The following DTHD1 variants were observed in gnomAD, a reference collection of about 807,000 sequenced individuals.
DTHD1 encodes the protein death domain-containing protein 1.
DTHD1 carries 59 observed loss-of-function variants against 74.8 expected under a neutral mutation model. That is an observed-to-expected ratio of 0.79 (90% CI 0.64 to 0.98). The LOEUF (loss-of-function observed/expected upper bound fraction) is 0.98, where lower values mean the gene tolerates loss of function less well. DTHD1 is among the 50% of genes least tolerant of loss of function. DTHD1 has a pLI of 0.00. For synonymous variants in DTHD1, 365 were observed against 371.1 expected (o/e 0.98, Z 0.19); for missense variants, 1,051 against 1,065.4 (o/e 0.99, Z 0.19).
At chr4:36,308,059 A>G in intron 6 of DTHD1, 145 bp from the exon 7 acceptor site, 1 of 856,056 alleles carries the variant, frequency 1.2e-6, no homozygotes, top group Admixed American at 3.1e-5. Context: ...TACAATCATT[A>G]ATGAATCTCA....
At chr4:36,311,206 A>G (rs1003206607) in intron 7 of DTHD1, 1 of 152,172 alleles carries the variant, frequency 6.6e-6, no homozygotes, top group African/African-American at 2.4e-5. Flanking sequence ...GTTGGGGAAG[A>G]GTTCATCTTC....
chr4:36,291,929 T>C lies in DTHD1; in HGVS notation c.1218+1226T>C, dbSNP rs575014758. On this transcript the variant is annotated intron_variant, in intron 3 of 9. Coordinates refer to ENST00000639862, the MANE Select transcript of DTHD1 (RefSeq NM_001170700.3). ...CTTCTTTTTAAGCAATTAAAATATTTATCTTTTTCAGCTTTATGTAAGTTG... is the reference window on the plus strand; with the variant it reads ...CTTCTTTTTAAGCAATTAAAATATTCATCTTTTTCAGCTTTATGTAAGTTG... Among the ~76,000 whole-genome samples, 5 of 152,340 alleles carry C rather than the reference T, an allele frequency of 3.3e-5. No homozygotes were observed. In the South Asian group the frequency reaches 1.0e-3, roughly 32 times the overall value.
chr4:36,325,049 T>C (rs1758262886), intron 8 of DTHD1, among the ~76,000 whole-genome samples: 1 of 152,144 alleles, frequency 6.6e-6, no homozygotes, highest in Non-Finnish European at 1.5e-5. Flanking sequence ...GAAAGGATGA[T>C]GAATGCACCT....
chr4:36,342,383 G>T (rs1002547784), intron 9 of DTHD1, among the ~76,000 whole-genome samples: 1 of 152,146 alleles, frequency 6.6e-6, no homozygotes. Context: ...TGGAATGCTT[G>T]CTTAACACCA....
chr4:36,310,402 T>C (rs1757327235), intron 7 of DTHD1, among the ~76,000 whole-genome samples: 1 of 152,166 alleles, frequency 6.6e-6, no homozygotes, highest in South Asian at 2.1e-4. Context: ...TCACAACAAT[T>C]TCTTTTTCAT....
Position 36,339,175 on chromosome 4 carries a change from G to T in DTHD1, c.2398+6G>T. 6.5e-7 allele frequency: 1 copy of T among 1,541,566 alleles called. No homozygotes were observed. Among genetic ancestry groups the T allele is most frequent in the South Asian group, 1.2e-5 (1 of 83,432 alleles). On this transcript the variant is annotated splice_donor_region_variant and intron_variant, in intron 9 of 9. Transcript: ENST00000639862. ...AGTTTCTAAGGATCCTGTAGGTGAG[G>T]AATATTTGCTTTGTCATCATTATAG...
chr4:36,298,114 T>C (rs980691204), intron 5 of DTHD1, among the ~76,000 whole-genome samples: 3 of 152,126 alleles, frequency 2.0e-5, no homozygotes, highest in African/African-American at 7.2e-5. Flanking sequence ...ACTGATATAC[T>C]CTTGCCCATT....
chr4:36,335,790 C>T (rs951144192), intron 8 of DTHD1, among the ~76,000 whole-genome samples: 6 of 152,156 alleles, frequency 3.9e-5, no homozygotes, highest in Non-Finnish European at 8.8e-5. Flanking sequence ...AAAGATCAAA[C>T]TTTCACACAT....
Position 36,287,836 on chromosome 4 carries a change from G to A in DTHD1, c.888-2537G>A, listed in dbSNP as rs180913680. 1.0e-3 allele frequency among the ~76,000 whole-genome samples: 152 copies of A among 152,128 alleles called. 1 individual carries two copies. The highest frequency in any genetic ancestry group is 4.2e-4 in the South Asian group (2 of 4,810). On this transcript the variant is annotated intron_variant, in intron 2 of 9. Transcript: ENST00000639862. Reference sequence around the variant, plus strand: ...AGTTCACTTTTTGATGGGATTGTTTGTTTTTTCTTCTGGATTTGTTTGAGT... The same window carrying A: ...AGTTCACTTTTTGATGGGATTGTTTATTTTTTCTTCTGGATTTGTTTGAGT...
At chr4:36,306,604 T>C (rs1757068334) in intron 6 of DTHD1, among the ~76,000 whole-genome samples, 1 of 152,260 alleles carries the variant, frequency 6.6e-6, no homozygotes, top group South Asian at 2.1e-4. Flanking sequence ...AAAATAGTTT[T>C]AAAATAGCAC....
At chr4:36,320,327 G>A (rs746396159) in intron 8 of DTHD1, among the ~76,000 whole-genome samples, 16 of 152,168 alleles carry the variant, frequency 1.1e-4, no homozygotes, top group Non-Finnish European at 1.9e-4. Context: ...ACACTGTCCA[G>A]CTCAACTCTG....
chr4:36,313,417 G>GAAA (rs34007292), intron 7 of DTHD1, among the ~76,000 whole-genome samples: 25 of 144,324 alleles, frequency 1.7e-4, no homozygotes, highest in Admixed American at 1.4e-3. Context: ...AGTGAGGGAG[G>GAAA]AAAAAAAAAA....
At position 36,290,419 on chromosome 4, in the gene DTHD1, T is replaced by C; in HGVS notation, c.934T>C (p.Tyr312His). The C allele has an allele frequency of 6.4e-7, 1 of 1,552,020 alleles. No homozygotes were observed. The highest frequency in any genetic ancestry group is 8.7e-7 in the Non-Finnish European group (1 of 1,146,990). The change falls in exon 3 of 10, where the codon TAT becomes CAT. Residue 312 changes from tyrosine (Y) to histidine (H), a missense_variant. Physicochemically the swap from Tyr to His is moderately conservative, Grantham distance 83. Transcript: ENST00000639862. ...SDVTGPQVSC[Y>H]ITAPSYVLQQ... is the part of the protein sequence containing the mutation. The stretch of plus-strand genomic sequence containing the variant: ...TGTTACTGGCCCCCAAGTGTCTTGT[T>C]ATATTACAGCACCATCATATGTTCT...
Position 36,346,513 on chromosome 4 carries a change from T to A in DTHD1, c.*2689T>A, listed in dbSNP as rs145655787. On this transcript the variant is annotated 3_prime_UTR_variant, in exon 10 of 10. Transcript: ENST00000639862. ...AAAACAATTGATCATCCCTGCAGCA[T>A]CTCCTCTCTTAAGATAATCCAGGAA... is the stretch of plus-strand genomic sequence containing the variant. 6.6e-5 allele frequency among the ~76,000 whole-genome samples: 10 copies of A among 152,114 alleles called. No individual in the cohort carries two copies. Among genetic ancestry groups the A allele is most frequent in the Admixed American group, 5.9e-4 (9 of 15,276 alleles).
At position 36,347,184 on chromosome 4, in the gene DTHD1, G is replaced by A. The variant is rs1759630597; in HGVS notation, c.*3360G>A. ...AATGTCTTCGAATGTTTTAATGACT[G>A]TATAATATCCTATTTCATAACCATA... On this transcript the variant is annotated 3_prime_UTR_variant, in exon 10 of 10. Coordinates refer to ENST00000639862, the MANE Select transcript of DTHD1 (RefSeq NM_001170700.3). Among the ~76,000 whole-genome samples, 1 of 152,052 alleles carries A rather than the reference G, an allele frequency of 6.6e-6. No individual in the cohort carries two copies. Among genetic ancestry groups the A allele is most frequent in the South Asian group, 2.1e-4 (1 of 4,824 alleles).
chr4:36,284,445 G>A lies in DTHD1; in HGVS notation c.741G>A (p.Glu247=). Residue 247 remains glutamate, a synonymous_variant, in exon 2 of 10, where the codon GAG becomes GAA. Transcript: ENST00000639862. ...CTCATGGCATAATTCAGACAACAGA[G>A]ACAGAAATTCAAGAGACTTCAGAAA... The part of the protein sequence containing the change: ...EETHGIIQTT[E]TEIQETSESP... 1.3e-6 allele frequency: 2 copies of A among 1,537,062 alleles called. No homozygotes were observed. The highest frequency in any genetic ancestry group is 1.7e-6 in the Non-Finnish European group (2 of 1,146,818).
intron 9 of DTHD1, among the ~76,000 whole-genome samples, chr4:36,341,775 G>A (rs992319291): frequency 1.3e-5 from 2 of 152,184 alleles, no homozygotes; most frequent in African/African-American, 4.8e-5. Context: ...TCATTGATGT[G>A]CATAGTTGAT....
intron 3 of DTHD1, 81 bp from the exon 4 acceptor site, chr4:36,293,445 T>C: frequency 8.6e-7 from 1 of 1,167,602 alleles, no homozygotes; most frequent in East Asian, 2.9e-5. Context: ...ATAGATTTTT[T>C]TGACAATCCA....
intron 7 of DTHD1, among the ~76,000 whole-genome samples, chr4:36,312,609 C>T (rs1005002557): frequency 6.7e-6 from 1 of 148,966 alleles, no homozygotes; most frequent in East Asian, 2.0e-4. Context: ...AGTCTCTAAG[C>T]GGGTGAGGAA....
Sources: gnomAD v4.1 joint callset for allele counts (sites outside exome capture counted in the v4.1 genomes callset) on GRCh38, gnomAD v4.1.1 for gene constraint, MANE v1.5 for transcripts, NCBI Gene and HGNC (gene_info 2026-07-23, HGNC 2026-07-21) for gene names.